Variants in KCNMB4 observed in about 807,000 individuals in gnomAD.
The protein encoded by KCNMB4 is calcium-activated potassium channel subunit beta-4.
Under a neutral mutation model 20.7 loss-of-function variants are expected in KCNMB4, and 3 were observed. The ratio of observed to expected loss-of-function variants is 0.14; its 90% CI spans 0.07 to 0.37. The LOEUF (loss-of-function observed/expected upper bound fraction) is 0.37, where lower values mean the gene tolerates loss of function less well. Among genes scored for constraint, KCNMB4 ranks in the 10% least tolerant of loss-of-function variants. KCNMB4 has a pLI of 1.00. For missense variants in KCNMB4, 168 were observed against 265.9 expected, an observed-to-expected ratio of 0.63 and a Z score of 2.56; for synonymous variants, 110 against 113.4, an observed-to-expected ratio of 0.97 and a Z score of 0.19.
At chr12:70,380,330 A>G (rs1231033402) in intron 1 of KCNMB4, among the ~76,000 whole-genome samples, 2 of 152,174 alleles carry the variant, frequency 1.3e-5, no homozygotes, top group Non-Finnish European at 2.9e-5. Flanking sequence ...AAGCAATTAT[A>G]ATAGTAACAT....
chr12:70,422,890 C>A, intron 2 of KCNMB4: 1 of 1,126,522 alleles, frequency 8.9e-7, no homozygotes, highest in Non-Finnish European at 1.1e-6. Context: ...TCTGGGAGCA[C>A]AGAGTGGCGA....
intron 2 of KCNMB4, among the ~76,000 whole-genome samples, chr12:70,428,564 T>A (rs1449440617): frequency 6.6e-6 from 1 of 152,198 alleles, no homozygotes; most frequent in Admixed American, 6.5e-5. Flanking sequence ...TTCAGACTCT[T>A]AAATATGATT....
intron 2 of KCNMB4, among the ~76,000 whole-genome samples, chr12:70,414,187 G>A (rs1420914975): frequency 2.0e-5 from 3 of 152,002 alleles, no homozygotes; most frequent in Non-Finnish European, 2.9e-5. Flanking sequence ...AGCTGAGATC[G>A]CACCACTGCA....
chr12:70,429,158 T>A lies in KCNMB4; in HGVS notation c.465-1327T>A, dbSNP rs74101605. Among the ~76,000 whole-genome samples, 1,081 of 152,336 alleles carry A rather than the reference T, an allele frequency of 7.1e-3. 20 individuals are homozygous for A. The highest frequency in any genetic ancestry group is 0.024 in the African/African-American group (1,006 of 41,580). ...AAAATGGGTTCTGAATTATGAGAGC[T>A]GTGACTAATGAGTGATTTTCAGGAA... On this transcript the variant is annotated intron_variant, in intron 2 of 2. Coordinates refer to ENST00000258111, the MANE Select transcript of KCNMB4 (RefSeq NM_014505.6).
At chr12:70,424,442 GAAA>G (rs35459349) in intron 2 of KCNMB4, among the ~76,000 whole-genome samples, 3 of 135,738 alleles carry the variant, frequency 2.2e-5, no homozygotes, top group Admixed American at 7.4e-5. Context: ...CTCCATCTCA[GAAA>G]AAAAAAAAAA....
rs1038148758 is a variant in KCNMB4 at position 70,421,682 on chromosome 12, C to T, written c.465-8803C>T. Among the ~76,000 whole-genome samples the T allele has an allele frequency of 1.5e-4, 22 of 151,602 alleles. 1 individual carries two copies. Among genetic ancestry groups the T allele is most frequent in the Admixed American group, 6.6e-5 (1 of 15,242 alleles). ...CTGCAAGCTCCACCTCCCAAGTTCACGCCATTCTCCTGCCTCAGCCTCCCG... is the reference window on the plus strand; with the variant it reads ...CTGCAAGCTCCACCTCCCAAGTTCATGCCATTCTCCTGCCTCAGCCTCCCG... On this transcript the variant is annotated intron_variant, in intron 2 of 2. Transcript: ENST00000258111.
At chr12:70,422,253 C>T (rs1869087113) in intron 2 of KCNMB4, among the ~76,000 whole-genome samples, 1 of 152,170 alleles carries the variant, frequency 6.6e-6, no homozygotes, top group African/African-American at 2.4e-5. Context: ...TTATAGTCCT[C>T]TATGAAATAA....
intron 1 of KCNMB4, among the ~76,000 whole-genome samples, chr12:70,387,044 T>A (rs912479590): frequency 6.6e-6 from 1 of 152,182 alleles, no homozygotes; most frequent in African/African-American, 2.4e-5. Context: ...GACATTTCAT[T>A]TTGTAACCTT....
intron 2 of KCNMB4, among the ~76,000 whole-genome samples, chr12:70,401,845 T>C (rs1470608731): frequency 1.3e-5 from 2 of 152,024 alleles, no homozygotes; most frequent in African/African-American, 4.8e-5. Flanking sequence ...CGTGGCAGCC[T>C]CAGATAGCAT....
intron 1 of KCNMB4, among the ~76,000 whole-genome samples, chr12:70,372,225 A>C (rs1452368580): frequency 2.6e-5 from 4 of 152,344 alleles, no homozygotes; most frequent in South Asian, 4.1e-4. Flanking sequence ...AAATGAGGTT[A>C]GGGTCCTAAA....
intron 2 of KCNMB4, among the ~76,000 whole-genome samples, chr12:70,407,460 CTTTTTTTTTTTT>C (rs35371839): frequency 7.8e-5 from 5 of 64,184 alleles, no homozygotes; most frequent in Admixed American, 4.9e-4. Context: ...GTGCTGAATT[CTTTTTTTTTTTT>C]TTTTTTTTTT....
intron 2 of KCNMB4, among the ~76,000 whole-genome samples, chr12:70,420,562 C>T (rs148351523): frequency 6.3e-4 from 96 of 152,272 alleles, no homozygotes; most frequent in African/African-American, 2.2e-3. Flanking sequence ...AGAAGGAACA[C>T]AGCCCTGCTG....
intron 2 of KCNMB4, among the ~76,000 whole-genome samples, chr12:70,413,009 G>A (rs1172006788): frequency 1.3e-5 from 2 of 152,096 alleles, no homozygotes; most frequent in Non-Finnish European, 2.9e-5. Context: ...CCGAAACCAA[G>A]TATTTTCCAT....
intron 1 of KCNMB4, among the ~76,000 whole-genome samples, chr12:70,391,112 C>T (rs1477656845): frequency 6.6e-6 from 1 of 152,098 alleles, no homozygotes; most frequent in Non-Finnish European, 1.5e-5. Context: ...TACCTTACAT[C>T]ACAGTGACTC....
intron 1 of KCNMB4, among the ~76,000 whole-genome samples, chr12:70,371,808 A>T (rs4761199): frequency 0.6 from 90,794 of 151,692 alleles, 28,521 homozygotes; most frequent in East Asian, 0.94. Flanking sequence ...AGACTAGAAT[A>T]TAGGTCAAAA....
chr12:70,413,459 A>G (rs927447774), intron 2 of KCNMB4, among the ~76,000 whole-genome samples: 2 of 152,074 alleles, frequency 1.3e-5, no homozygotes, highest in South Asian at 2.1e-4. Flanking sequence ...AATGCAGGGC[A>G]GGGCTGTGCG....
At chr12:70,401,408 C>G (rs1403206381) in intron 2 of KCNMB4, among the ~76,000 whole-genome samples, 4 of 152,164 alleles carry the variant, frequency 2.6e-5, no homozygotes, top group South Asian at 2.1e-4. Context: ...GATTTCTCAG[C>G]TCCATTAACG....
chr12:70,426,897 C>T (rs183591016), intron 2 of KCNMB4, among the ~76,000 whole-genome samples: 1 of 152,204 alleles, frequency 6.6e-6, no homozygotes, highest in East Asian at 1.9e-4. Context: ...CTATGGGTAC[C>T]CACAGTATTT....
chr12:70,368,110 A>G (rs1883527584), intron 1 of KCNMB4, among the ~76,000 whole-genome samples: 1 of 152,116 alleles, frequency 6.6e-6, no homozygotes, highest in Non-Finnish European at 1.5e-5. Context: ...AAAGTTACTG[A>G]CATTTTTCCT....
Sources: allele counts gnomAD v4.1 joint callset (sites outside exome capture counted in the v4.1 genomes callset), GRCh38; gene constraint gnomAD v4.1.1; transcripts MANE v1.5; gene names NCBI Gene and HGNC (gene_info 2026-07-23, HGNC 2026-07-21).